SGCD: variants seen among roughly 807,000 people sequenced by gnomAD.
SGCD encodes the protein delta-sarcoglycan.
SGCD carries 18 observed loss-of-function variants against 36.6 expected under a neutral mutation model. The ratio of observed to expected loss-of-function variants is 0.49; its 90% confidence interval spans 0.34 to 0.73. The LOEUF is 0.73. Ranked by LOEUF, SGCD falls within the 30% of genes least tolerant of loss-of-function variation. The pLI is 0.01. For missense variants in SGCD, 387 were observed against 346.7 expected (o/e 1.12, Z -0.92); for synonymous variants, 133 against 130.6 (o/e 1.02, Z -0.12).
chr5:155,900,581 C>T (rs148032766), intron 1 of SGCD, among the ~76,000 whole-genome samples: 1 of 141,768 alleles, frequency 7.1e-6, no homozygotes, highest in Non-Finnish European at 1.5e-5. Context: ...CCCCTCCCCC[C>T]ACTCCACAAC....
intron 5 of SGCD, among the ~76,000 whole-genome samples, chr5:156,590,052 A>G (rs34884006): frequency 0.012 from 1,886 of 152,290 alleles, 43 homozygotes; most frequent in African/African-American, 0.043. Flanking sequence ...ATGCACCCCC[A>G]CAGTGGAAGG....
At chr5:156,513,864 T>G (rs767069767) in intron 4 of SGCD, among the ~76,000 whole-genome samples, 1 of 152,204 alleles carries the variant, frequency 6.6e-6, no homozygotes, top group Non-Finnish European at 1.5e-5. Context: ...GATGTACAGC[T>G]TCTAAGTGGT....
At chr5:156,013,667 T>C (rs1758906771) in intron 1 of SGCD, among the ~76,000 whole-genome samples, 1 of 152,176 alleles carries the variant, frequency 6.6e-6, no homozygotes, top group Non-Finnish European at 1.5e-5. Context: ...TCTTCATGTC[T>C]TTTGCCTATT....
chr5:156,351,357 C>T (rs1316700995), intron 3 of SGCD, among the ~76,000 whole-genome samples: 2 of 152,076 alleles, frequency 1.3e-5, no homozygotes, highest in African/African-American at 4.8e-5. Flanking sequence ...ATGAGAGACC[C>T]TTCATGACAG....
At chr5:156,540,534 A>T (rs1291559583) in intron 4 of SGCD, among the ~76,000 whole-genome samples, 1 of 152,178 alleles carries the variant, frequency 6.6e-6, no homozygotes, top group Non-Finnish European at 1.5e-5. Flanking sequence ...TTAAATAGAC[A>T]TTTAACACCT....
chr5:156,410,897 A>T (rs1407741258), intron 3 of SGCD, among the ~76,000 whole-genome samples: 2 of 152,016 alleles, frequency 1.3e-5, no homozygotes, highest in Non-Finnish European at 2.9e-5. Context: ...CCTGGACAAG[A>T]TCAACTCTCA....
chr5:156,587,475 C>A (rs1581213423), intron 4 of SGCD, among the ~76,000 whole-genome samples: 1 of 152,148 alleles, frequency 6.6e-6, no homozygotes, highest in African/African-American at 2.4e-5. Flanking sequence ...TGAAAATCTG[C>A]ACCTTTCATA....
chr5:155,781,360 G>A, the SGCD span, among the ~76,000 whole-genome samples: 5 of 152,126 alleles, frequency 3.3e-5, no homozygotes, highest in East Asian at 1.9e-4. Flanking sequence ...ATCACACCTC[G>A]CAAACCCTCA....
At chr5:155,792,433 C>CAAAAAAA in the SGCD span, among the ~76,000 whole-genome samples, 22 of 92,294 alleles carry the variant, frequency 2.4e-4, no homozygotes, top group Non-Finnish European at 2.9e-4. Context: ...TTCTACATAG[C>CAAAAAAA]AAAAAAAAAA....
chr5:155,784,074 C>A, the SGCD span, among the ~76,000 whole-genome samples: 1 of 152,128 alleles, frequency 6.6e-6, no homozygotes, highest in Admixed American at 6.6e-5. Context: ...AAAGGGCCTT[C>A]TAGTCCAATA....
intron 1 of SGCD, among the ~76,000 whole-genome samples, chr5:156,005,274 T>C (rs1052637355): frequency 2.0e-5 from 3 of 152,188 alleles, no homozygotes; most frequent in Non-Finnish European, 4.4e-5. Flanking sequence ...AATGGGCTTC[T>C]GATTGATCTT....
chr5:156,229,200 G>T (rs1764931237), intron 3 of SGCD, among the ~76,000 whole-genome samples: 1 of 144,580 alleles, frequency 6.9e-6, no homozygotes, highest in South Asian at 2.2e-4. Flanking sequence ...TTGTGATCAT[G>T]TGAGTTAATA....
intron 3 of SGCD, among the ~76,000 whole-genome samples, chr5:156,305,508 C>T (rs1014946077): frequency 1.3e-5 from 2 of 152,146 alleles, no homozygotes; most frequent in Non-Finnish European, 2.9e-5. Flanking sequence ...TACAGAGACA[C>T]AAGTGTGCTG....
In SGCD at chr5:156,461,462, G is replaced by A. The variant is rs146735497; in HGVS notation, c.193-47139G>A. Among the ~76,000 whole-genome samples, 173 of 151,846 alleles carry A rather than the reference G, an allele frequency of 1.1e-3. 1 individual carries two copies. The highest frequency in any genetic ancestry group is 3.5e-3 in the African/African-American group (145 of 41,426). On this transcript the variant is annotated intron_variant, in intron 3 of 8. Coordinates refer to ENST00000337851, the MANE Select transcript of SGCD (RefSeq NM_000337.6). ...AGTAAATTTAATGTGACAAACAAGC[G>A]GATAAAATGAAACAATTTTAATTTT...
intron 3 of SGCD, among the ~76,000 whole-genome samples, chr5:156,303,419 G>T (rs1439350805): frequency 1.3e-5 from 2 of 152,014 alleles, no homozygotes. Context: ...TGCCATTCAG[G>T]AGCCACAGCT....
chr5:156,344,052 C>CG (rs1768811931), intron 2 of SGCD, among the ~76,000 whole-genome samples: 1 of 100,802 alleles, frequency 9.9e-6, no homozygotes, highest in Non-Finnish European at 2.2e-5. Context: ...TTTTTAACCA[C>CG]CCCCCCAAAT....
chr5:156,677,198 A>G (rs1255546088), intron 7 of SGCD, among the ~76,000 whole-genome samples: 4 of 152,210 alleles, frequency 2.6e-5, no homozygotes, highest in Non-Finnish European at 4.4e-5. Flanking sequence ...TCATGCTGCT[A>G]TAAAGACACA....
intron 6 of SGCD, among the ~76,000 whole-genome samples, chr5:156,631,999 AT>A (rs1437163481): frequency 1.3e-5 from 2 of 152,192 alleles, no homozygotes; most frequent in African/African-American, 4.8e-5. Flanking sequence ...TTTTTTAAAA[AT>A]TTATTTAAAA....
intron 3 of SGCD, among the ~76,000 whole-genome samples, chr5:156,417,162 T>C (rs1773089674): frequency 6.6e-6 from 1 of 152,224 alleles, no homozygotes; most frequent in African/African-American, 2.4e-5. Flanking sequence ...AATGTGATGA[T>C]GCTTCAAATG....
Sources: allele counts gnomAD v4.1 joint callset (sites outside exome capture counted in the v4.1 genomes callset), GRCh38; gene constraint gnomAD v4.1.1; transcripts MANE v1.5; gene names NCBI Gene and HGNC (gene_info 2026-07-23, HGNC 2026-07-21).